NFILZ: variants seen among roughly 807,000 people sequenced by gnomAD.
NFILZ encodes NFIL3 like protein.
At chr19:8,634,675 A>G (rs530269869) in intron 2 of NFILZ, among the ~76,000 whole-genome samples, 2 of 152,092 alleles carry the variant, frequency 1.3e-5, no homozygotes, top group Admixed American at 1.3e-4. Flanking sequence ...CAGGCATTGG[A>G]GATCAGTCTG....
rs1555751289 is a variant in NFILZ at position 8,680,208 on chromosome 19, AAAAAAAG to A, written c.*2574_*2580del. 1.4e-5 allele frequency among the ~76,000 whole-genome samples: 2 copies of A among 138,326 alleles called. No homozygotes were observed. The highest frequency in any genetic ancestry group is 5.2e-4 in the South Asian group (2 of 3,854). 90.7% of individuals were successfully genotyped at this position (138,326 alleles called of 152,430 possible). On this transcript the variant is annotated 3_prime_UTR_variant, in exon 6 of 6. Transcript: ENST00000691075. The stretch of plus-strand genomic sequence containing the variant: ...GAGACTCCATCTGAAAAAAAAAAAA[AAAAAAAG>A]GAAAAAGAAAAAATCCTGTTTCCCT...
At chr19:8,659,913 G>A (rs1308944175) in intron 3 of NFILZ, among the ~76,000 whole-genome samples, 1 of 152,116 alleles carries the variant, frequency 6.6e-6, no homozygotes, top group Non-Finnish European at 1.5e-5. Flanking sequence ...AGGGTGGTGG[G>A]GGGAGGGCTC....
chr19:8,641,670 G>T (rs1184130556), intron 3 of NFILZ, among the ~76,000 whole-genome samples: 3 of 152,150 alleles, frequency 2.0e-5, no homozygotes, highest in African/African-American at 7.2e-5. Context: ...GTAAGAACTG[G>T]ATGTGAGTTC....
At chr19:8,648,600 T>C (rs2042952338) in intron 3 of NFILZ, among the ~76,000 whole-genome samples, 1 of 151,940 alleles carries the variant, frequency 6.6e-6, no homozygotes, top group Non-Finnish European at 1.5e-5. Context: ...GGCAGATCAC[T>C]TGAGGTCAGG....
chr19:8,670,842 A>C (rs767889254), intron 3 of NFILZ, among the ~76,000 whole-genome samples: 22 of 152,136 alleles, frequency 1.4e-4, no homozygotes, highest in Non-Finnish European at 3.1e-4. Flanking sequence ...TAAAAATACA[A>C]AAATTAGTCA....
At chr19:8,674,430 G>A (rs903665884) in intron 3 of NFILZ, among the ~76,000 whole-genome samples, 121 bp from the exon 4 acceptor site, 1 of 152,074 alleles carries the variant, frequency 6.6e-6, no homozygotes, top group Non-Finnish European at 1.5e-5. Flanking sequence ...ACCTGGCACA[G>A]TGAATGAATG....
intron 3 of NFILZ, among the ~76,000 whole-genome samples, chr19:8,656,743 C>A (rs1555748560): frequency 1.3e-5 from 2 of 152,224 alleles, no homozygotes; most frequent in African/African-American, 4.8e-5. Context: ...TAATCCTGGG[C>A]CCCTATGGGT....
At chr19:8,665,725 G>A (rs536712236) in intron 3 of NFILZ, among the ~76,000 whole-genome samples, 1 of 152,206 alleles carries the variant, frequency 6.6e-6, no homozygotes, top group African/African-American at 2.4e-5. Flanking sequence ...ATCCTTGCTA[G>A]CATTAGGTTT....
At chr19:8,653,278 G>A (rs1430552265) in intron 3 of NFILZ, among the ~76,000 whole-genome samples, 3 of 151,918 alleles carry the variant, frequency 2.0e-5, no homozygotes, top group South Asian at 2.1e-4. Context: ...ACAGGGATTC[G>A]CCATGTTGGC....
At chr19:8,666,793 G>C (rs1446495642) in intron 3 of NFILZ, among the ~76,000 whole-genome samples, 1 of 152,056 alleles carries the variant, frequency 6.6e-6, no homozygotes, top group Admixed American at 6.6e-5. Flanking sequence ...GAGTGCAGTG[G>C]TGTGATCACA....
chr19:8,662,860 C>T (rs1555749285), intron 3 of NFILZ, among the ~76,000 whole-genome samples: 1 of 151,848 alleles, frequency 6.6e-6, no homozygotes, highest in South Asian at 2.1e-4. Flanking sequence ...TGGTCTTCAA[C>T]TCCTGACCTC....
chr19:8,654,107 C>T (rs965507377), intron 3 of NFILZ, among the ~76,000 whole-genome samples: 1 of 152,100 alleles, frequency 6.6e-6, no homozygotes, highest in African/African-American at 2.4e-5. Context: ...TGGCAGGTGC[C>T]TGTAGTCCCA....
At chr19:8,658,504 A>G (rs979683351) in intron 3 of NFILZ, among the ~76,000 whole-genome samples, 3 of 152,014 alleles carry the variant, frequency 2.0e-5, no homozygotes, top group Admixed American at 6.6e-5. Context: ...GTTTAGAACC[A>G]TTGTCCTAAA....
intron 3 of NFILZ, among the ~76,000 whole-genome samples, chr19:8,673,015 C>T (rs574763966): frequency 1.2e-4 from 18 of 151,574 alleles, no homozygotes; most frequent in Non-Finnish European, 2.2e-4. Flanking sequence ...AATGCTTGGG[C>T]GGGGACCAGG....
intron 3 of NFILZ, among the ~76,000 whole-genome samples, chr19:8,656,286 C>CACAGCG (rs2042994095): frequency 4.7e-5 from 5 of 105,842 alleles, no homozygotes; most frequent in South Asian, 8.3e-4. Context: ...CACCTTCTCC[C>CACAGCG]CACAGCCCAC....
intron 3 of NFILZ, among the ~76,000 whole-genome samples, chr19:8,643,032 C>T (rs782050745): frequency 4.6e-5 from 7 of 151,010 alleles, no homozygotes; most frequent in Non-Finnish European, 7.4e-5. Context: ...TTACTGCATC[C>T]TCAACCTCCT....
At chr19:8,642,602 C>T (rs1430307172) in intron 3 of NFILZ, among the ~76,000 whole-genome samples, 1 of 151,976 alleles carries the variant, frequency 6.6e-6, no homozygotes, top group Non-Finnish European at 1.5e-5. Flanking sequence ...AGTCCATTAG[C>T]AGGCTGTTTG....
chr19:8,652,959 C>T lies in NFILZ; in HGVS notation c.-164+17213C>T, dbSNP rs1471788082. Among the ~76,000 whole-genome samples, 153 of 122,602 alleles carry T rather than the reference C, an allele frequency of 1.2e-3. 1 individual carries two copies. The highest frequency in any genetic ancestry group is 2.1e-3 in the Admixed American group (24 of 11,362). 80.4% of individuals were successfully genotyped at this position (122,602 alleles called of 152,430 possible). A position where few individuals can be genotyped will look rare whatever the true frequency, so the allele number is the denominator to read the frequency against. On this transcript the variant is annotated intron_variant, in intron 3 of 5. Coordinates refer to ENST00000691075, the MANE Select transcript of NFILZ (RefSeq NM_001378600.1). ...TTCTCTCTTTCTCTCTCTTTCTTTC[C>T]CTTCCTTCCCTCCTTCCTTCCTTCC...
At chr19:8,663,764 G>GTA (rs2043048333) in intron 3 of NFILZ, among the ~76,000 whole-genome samples, 2 of 33,092 alleles carry the variant, frequency 6.0e-5, no homozygotes, top group Admixed American at 2.5e-4. Context: ...GTGTGTGTGT[G>GTA]TGTGTGTATG....
Sources: allele counts gnomAD v4.1 joint callset (sites outside exome capture counted in the v4.1 genomes callset), GRCh38; gene constraint gnomAD v4.1.1; transcripts MANE v1.5; gene names NCBI Gene and HGNC (gene_info 2026-07-23, HGNC 2026-07-21).